MIOS: variants seen among roughly 807,000 people sequenced by gnomAD.
MIOS encodes the protein meiosis regulator for oocyte development.
Under a neutral mutation model 96.9 loss-of-function variants are expected in MIOS, and 52 were observed. The ratio of observed to expected loss-of-function variants is 0.54; its 90% confidence interval spans 0.43 to 0.68. The LOEUF (loss-of-function observed/expected upper bound fraction) is 0.68. Ranked by LOEUF, MIOS falls within the 30% of genes least tolerant of loss-of-function variation. The pLI is 0.00. For synonymous variants in MIOS, 397 were observed against 359.5 expected, an observed-to-expected ratio of 1.10 and a Z score of -1.18; for missense variants, 1,005 against 1,052.8, an observed-to-expected ratio of 0.95 and a Z score of 0.63.
intron 5 of MIOS, among the ~76,000 whole-genome samples, chr7:7,575,419 CA>C (rs1488762621): frequency 1.3e-5 from 2 of 151,714 alleles, no homozygotes; most frequent in African/African-American, 2.4e-5. Flanking sequence ...AGCCCTCCAC[CA>C]AAAAAAGTAA....
At chr7:7,601,346 G>C (rs1315606794) in intron 11 of MIOS, among the ~76,000 whole-genome samples, 1 of 151,406 alleles carries the variant, frequency 6.6e-6, no homozygotes, top group Non-Finnish European at 1.5e-5. Flanking sequence ...AAGAAGAAAA[G>C]AGAGAAAAAT....
At chr7:7,568,735 A>T (rs1783241408) in intron 3 of MIOS, among the ~76,000 whole-genome samples, 1 of 152,196 alleles carries the variant, frequency 6.6e-6, no homozygotes, top group African/African-American at 2.4e-5. Context: ...TCTAGGACGG[A>T]AGTTGAGAGA....
intron 9 of MIOS, among the ~76,000 whole-genome samples, chr7:7,591,734 G>C (rs1784053844): frequency 6.6e-6 from 1 of 151,976 alleles, no homozygotes. Context: ...TAATGTACCT[G>C]GTTGTGGTTC....
chr7:7,595,026 T>C lies in MIOS; in HGVS notation c.2090T>C (p.Ile697Thr). ...AAAGATGAAAGGGTTCAGTACTGGA[T>C]TGAGAATTATAGAAATTTATTAGAT... is the stretch of plus-strand genomic sequence containing the variant. ...VLKDERVQYW[I>T]ENYRNLLDAW... The change falls in exon 10 of 13, where the codon ATT (isoleucine) becomes ACT (threonine). Residue 697 changes from isoleucine to threonine, a missense_variant. By Grantham distance (89) the Ile-to-Thr change is moderately conservative (BLOSUM62 -1). Transcript: ENST00000340080. The C allele has an allele frequency of 1.2e-6, 2 of 1,613,706 alleles. No individual in the cohort carries two copies. Among genetic ancestry groups the C allele is most frequent in the Non-Finnish European group, 8.5e-7 (1 of 1,179,700 alleles).
At chr7:7,583,630 G>A (rs1278279877) in intron 6 of MIOS, among the ~76,000 whole-genome samples, 3 of 151,900 alleles carry the variant, frequency 2.0e-5, no homozygotes, top group Non-Finnish European at 2.9e-5. Context: ...GCTCAAGTGT[G>A]TCCATTTTCA....
At chr7:7,577,585 G>A (rs1309615936) in intron 5 of MIOS, among the ~76,000 whole-genome samples, 1 of 152,168 alleles carries the variant, frequency 6.6e-6, no homozygotes, top group African/African-American at 2.4e-5. Flanking sequence ...GATGCAGAGA[G>A]AAGGGAGTGA....
At chr7:7,580,749 C>T (rs1392740723) in intron 5 of MIOS, among the ~76,000 whole-genome samples, 2 of 142,590 alleles carry the variant, frequency 1.4e-5, no homozygotes, top group Admixed American at 7.1e-5. Context: ...CAGGCTGGTG[C>T]GATCTCGGCT....
At chr7:7,589,879 A>C (rs1014554866) in intron 9 of MIOS, among the ~76,000 whole-genome samples, 1 of 152,202 alleles carries the variant, frequency 6.6e-6, no homozygotes, top group African/African-American at 2.4e-5. Flanking sequence ...TTCTACAAGA[A>C]AGATTGGCTT....
intron 5 of MIOS, among the ~76,000 whole-genome samples, chr7:7,580,916 A>T (rs1783697630): frequency 6.7e-6 from 1 of 149,470 alleles, no homozygotes; most frequent in African/African-American, 2.5e-5. Context: ...CGAACTCCCG[A>T]CCTCAGGTGA....
rs778212778 is a variant in MIOS at position 7,606,978 on chromosome 7, T to A, written c.2532-18T>A. ...GTCTAATTTGGATTTTTAACTGTTA[T>A]TTGACCTATTTTTTTAGGGACCATG... On this transcript the variant is annotated intron_variant, in intron 12 of 12. Coordinates refer to ENST00000340080, the MANE Select transcript of MIOS (RefSeq NM_019005.4). The A allele has an allele frequency of 6.3e-7, 1 of 1,576,406 alleles. No individual in the cohort carries two copies.
At chr7:7,594,917 C>A in intron 9 of MIOS, 63 bp from the exon 10 acceptor site, 1 of 1,320,304 alleles carries the variant, frequency 7.6e-7, no homozygotes, top group Non-Finnish European at 1.0e-6. Context: ...ACATGCTACC[C>A]AGAAGTCTCT....
chr7:7,584,008 A>G (rs904532284), intron 6 of MIOS, among the ~76,000 whole-genome samples: 2 of 152,164 alleles, frequency 1.3e-5, no homozygotes, highest in African/African-American at 4.8e-5. Context: ...TTTTCTTATC[A>G]GGAATATTTC....
At chr7:7,591,960 T>TC (rs1563034486) in intron 9 of MIOS, among the ~76,000 whole-genome samples, 3 of 148,876 alleles carry the variant, frequency 2.0e-5, no homozygotes, top group Admixed American at 6.9e-5. Flanking sequence ...ATGTTTTTTT[T>TC]CCCACTATTC....
In MIOS at chr7:7,572,424, A is replaced by T; in HGVS notation, c.-40-12A>T. The T allele has an allele frequency of 7.3e-7, 1 of 1,365,476 alleles. No individual in the cohort carries two copies. Among genetic ancestry groups the T allele is most frequent in the Non-Finnish European group, 1.0e-6 (1 of 1,003,112 alleles). 84.6% of individuals were successfully genotyped at this position (1,365,476 alleles called of 1,614,324 possible). A position where few individuals can be genotyped will look rare whatever the true frequency, so the allele number is the denominator to read the frequency against. ...TGATATTTTAAAACTTTTTATTTTTAAACATTTTCAGTGAATGGACCTGAG... is the reference window on the plus strand; with the variant it reads ...TGATATTTTAAAACTTTTTATTTTTTAACATTTTCAGTGAATGGACCTGAG... On this transcript the variant is annotated splice_polypyrimidine_tract_variant and intron_variant, in intron 3 of 12. Coordinates refer to ENST00000340080, the MANE Select transcript of MIOS (RefSeq NM_019005.4). The surrounding 1 kb of genome is among the most constrained non-coding windows in gnomAD (Gnocchi z 4.8).
At chr7:7,600,790 T>A (rs987724966) in intron 11 of MIOS, among the ~76,000 whole-genome samples, 2 of 152,000 alleles carry the variant, frequency 1.3e-5, no homozygotes, top group East Asian at 3.9e-4. Context: ...CACCACACCT[T>A]TTCCAAAATT....
At chr7:7,584,823 C>G (rs1783835329) in intron 6 of MIOS, among the ~76,000 whole-genome samples, 1 of 152,088 alleles carries the variant, frequency 6.6e-6, no homozygotes, top group Non-Finnish European at 1.5e-5. Context: ...GACTAGGCAG[C>G]CATACTGCTG....
At chr7:7,575,222 C>G (rs1487652325) in intron 5 of MIOS, among the ~76,000 whole-genome samples, 1 of 151,908 alleles carries the variant, frequency 6.6e-6, no homozygotes, top group Non-Finnish European at 1.5e-5. Flanking sequence ...TGATTTTTTA[C>G]GGAGCTTGTA....
At chr7:7,594,920 A>C (rs1784160520) in intron 9 of MIOS, 60 bp from the exon 10 acceptor site, 10 of 1,340,910 alleles carry the variant, frequency 7.5e-6, no homozygotes, top group Non-Finnish European at 1.0e-5. Flanking sequence ...TGCTACCCAG[A>C]AGTCTCTGGC....
At chr7:7,579,354 C>G (rs1783638522) in intron 5 of MIOS, among the ~76,000 whole-genome samples, 1 of 152,118 alleles carries the variant, frequency 6.6e-6, no homozygotes, top group Non-Finnish European at 1.5e-5. Context: ...ATATTTCTAC[C>G]TCCTAGCAGT....
Sources: gnomAD v4.1 joint callset for allele counts (sites outside exome capture counted in the v4.1 genomes callset) on GRCh38, gnomAD v4.1.1 for gene constraint, Gnocchi (gnomAD v3.1) non-coding constraint, MANE v1.5 for transcripts, NCBI Gene and HGNC (gene_info 2026-07-23, HGNC 2026-07-21) for gene names.